Variants in KCNC2 observed in about 807,000 individuals in gnomAD.
KCNC2 encodes voltage-gated potassium channel KCNC2.
A neutral mutation model predicts 44.5 loss-of-function variants in KCNC2; 21 were observed. The observed-to-expected ratio is 0.47, with a 90% CI of 0.33 to 0.68. The LOEUF is 0.68. Ranked by LOEUF, KCNC2 falls within the 30% of genes least tolerant of loss-of-function variation. The probability of loss-of-function intolerance (pLI) is 0.01; values close to 1 mark genes in which losing one functional copy is unlikely to be tolerated. For synonymous variants in KCNC2, 391 were observed against 339.1 expected (o/e 1.15, Z -1.68); for missense variants, 589 against 826.2 (o/e 0.71, Z 3.52).
At chr12:75,113,359 T>A (rs1887397192) in intron 2 of KCNC2, among the ~76,000 whole-genome samples, 1 of 152,180 alleles carries the variant, frequency 6.6e-6, no homozygotes, top group African/African-American at 2.4e-5. Context: ...TTCTCAACCT[T>A]GATTCACATA....
At chr12:75,190,138 A>G (rs1229477089) in intron 2 of KCNC2, among the ~76,000 whole-genome samples, 1 of 152,176 alleles carries the variant, frequency 6.6e-6, no homozygotes, top group Non-Finnish European at 1.5e-5. Flanking sequence ...TTATTATGAA[A>G]TTGAAAAAGA....
chr12:75,200,909 A>G (rs1409860189), intron 2 of KCNC2, among the ~76,000 whole-genome samples: 1 of 151,798 alleles, frequency 6.6e-6, no homozygotes, highest in Non-Finnish European at 1.5e-5. Context: ...CCTCAAGAGA[A>G]TAAGACTGTC....
At chr12:75,093,383 G>T (rs1459154973) in intron 2 of KCNC2, among the ~76,000 whole-genome samples, 2 of 151,446 alleles carry the variant, frequency 1.3e-5, no homozygotes, top group Non-Finnish European at 3.0e-5. Context: ...CTATGGAAAG[G>T]CAATCTCTGT....
rs530034103 is a variant in KCNC2 at position 75,131,265 on chromosome 12, T to C, written c.687+76032A>G. 2.6e-5 allele frequency among the ~76,000 whole-genome samples: 4 copies of C among 152,296 alleles called. No individual in the cohort carries two copies. The East Asian group carries it at 5.8e-4, about 22-fold the overall frequency. On this transcript the variant is annotated intron_variant, in intron 2 of 4. Transcript: ENST00000549446. ...TACCCAGAAATCAAAAAAGTACATA[T>C]GAACTTTATAATAATTTATGATAGA...
At chr12:75,165,137 G>T (rs1268538957) in intron 2 of KCNC2, among the ~76,000 whole-genome samples, 1 of 151,524 alleles carries the variant, frequency 6.6e-6, no homozygotes, top group Non-Finnish European at 1.5e-5. Flanking sequence ...ACTGATAGAG[G>T]CAATTTTTAT....
intron 2 of KCNC2, among the ~76,000 whole-genome samples, chr12:75,157,810 C>G (rs1890863811): frequency 6.6e-6 from 1 of 151,896 alleles, no homozygotes; most frequent in Non-Finnish European, 1.5e-5. Context: ...GGAGCTTGAA[C>G]TCCATGCCGC....
intron 2 of KCNC2, among the ~76,000 whole-genome samples, chr12:75,188,298 A>G (rs2029878071): frequency 6.6e-6 from 1 of 152,176 alleles, no homozygotes; most frequent in Admixed American, 6.5e-5. Context: ...TATAGGACTA[A>G]TGCTAAAACA....
At chr12:75,125,415 ATT>A (rs1269283593) in intron 2 of KCNC2, among the ~76,000 whole-genome samples, 2 of 152,226 alleles carry the variant, frequency 1.3e-5, no homozygotes, top group African/African-American at 4.8e-5. Flanking sequence ...TTATACTGTC[ATT>A]CTTTTTAATA....
intron 2 of KCNC2, among the ~76,000 whole-genome samples, chr12:75,175,640 G>A (rs190895858): frequency 1.1e-3 from 173 of 152,112 alleles, no homozygotes; most frequent in Admixed American, 2.5e-3. Context: ...GGCATAGTAA[G>A]GAGTTAAGTT....
chr12:75,122,214 G>A (rs1436344950), intron 2 of KCNC2, among the ~76,000 whole-genome samples: 1 of 152,076 alleles, frequency 6.6e-6, no homozygotes, highest in Non-Finnish European at 1.5e-5. Context: ...TTTGTGTTGG[G>A]GAGAAGGGAA....
chr12:75,085,035 A>AC (rs949965974), intron 2 of KCNC2, among the ~76,000 whole-genome samples: 5 of 3,052 alleles, frequency 1.6e-3, no homozygotes, highest in Admixed American at 6.1e-3. Context: ...AGGAATTCAC[A>AC]AAAAAAAGGA....
chr12:75,139,568 T>C (rs916711502), intron 2 of KCNC2, among the ~76,000 whole-genome samples: 2 of 152,222 alleles, frequency 1.3e-5, no homozygotes, highest in African/African-American at 4.8e-5. Flanking sequence ...TCCATATCCA[T>C]AAATATTACC....
chr12:75,194,863 A>C (rs1269002951), intron 2 of KCNC2, among the ~76,000 whole-genome samples: 1 of 152,190 alleles, frequency 6.6e-6, no homozygotes, highest in Non-Finnish European at 1.5e-5. Flanking sequence ...ATGGTGTGGT[A>C]TATATGTGTC....
chr12:75,086,674 A>G (rs1885038517), intron 2 of KCNC2, among the ~76,000 whole-genome samples: 1 of 85,262 alleles, frequency 1.2e-5, no homozygotes, highest in East Asian at 4.1e-4. Context: ...AAAAAAAAAA[A>G]AAAAAAAATA....
intron 2 of KCNC2, among the ~76,000 whole-genome samples, chr12:75,156,453 G>T (rs1335232487): frequency 2.6e-5 from 4 of 151,716 alleles, no homozygotes. Context: ...CAAGCTAGTA[G>T]AATTGCATAT....
intron 2 of KCNC2, among the ~76,000 whole-genome samples, chr12:75,053,306 A>C (rs545494058): frequency 2.4e-4 from 37 of 152,128 alleles, no homozygotes; most frequent in African/African-American, 8.2e-4. Flanking sequence ...CTTTAGACTG[A>C]AGCATTTCAG....
intron 2 of KCNC2, among the ~76,000 whole-genome samples, chr12:75,193,824 C>A (rs1394202653): frequency 6.6e-6 from 1 of 152,116 alleles, no homozygotes; most frequent in African/African-American, 2.4e-5. Flanking sequence ...ACCCACAACA[C>A]ACTATATTCA....
At position 75,050,829 on chromosome 12, in the gene KCNC2, T is replaced by G; in HGVS notation, c.1176A>C (p.Gly392=). 6.2e-7 allele frequency: 1 copy of G among 1,613,490 alleles called. No individual in the cohort carries two copies. The highest frequency in any genetic ancestry group is 8.5e-7 in the Non-Finnish European group (1 of 1,179,830). Residue 392 remains glycine, a synonymous_variant, in exon 3 of 5, where the codon GGA becomes GGC. Coordinates refer to ENST00000549446, the MANE Select transcript of KCNC2 (RefSeq NM_139137.4). ...FLLLIIFLAL[G]VLIFATMIYY... is the part of the protein sequence containing the mutation. ...AGATCATGGTAGCAAATATCAAAAC[T>G]CCTAGAGCCAGGAAAATTATCAGCA... is the stretch of plus-strand genomic sequence containing the variant.
intron 2 of KCNC2, among the ~76,000 whole-genome samples, chr12:75,127,407 A>T (rs6582278): frequency 0.63 from 95,099 of 151,968 alleles, 32,291 homozygotes; most frequent in African/African-American, 0.9. Context: ...AATAGTCTGT[A>T]TTATTTCATT....
Sources: gnomAD v4.1 joint callset for allele counts (sites outside exome capture counted in the v4.1 genomes callset) on GRCh38, gnomAD v4.1.1 for gene constraint, MANE v1.5 for transcripts, NCBI Gene and HGNC (gene_info 2026-07-23, HGNC 2026-07-21) for gene names.